Variants in EVC observed in about 807,000 individuals in gnomAD.
EVC encodes the protein evC complex member EVC.
In EVC, 116 loss-of-function variants were observed where a neutral mutation model predicts 118.9. The ratio of observed to expected loss-of-function variants is 0.98; its 90% CI spans 0.84 to 1.14. The LOEUF (loss-of-function observed/expected upper bound fraction) is 1.14. EVC is among the 50% of genes most tolerant of loss of function. EVC has a pLI of 0.00. For synonymous variants in EVC, 619 were observed against 534.7 expected (o/e 1.16, Z -2.18); for missense variants, 1,401 against 1,246.4 (o/e 1.12, Z -1.87).
At chr4:5,736,480 A>G (rs1001742574) in intron 5 of EVC, among the ~76,000 whole-genome samples, 1 of 147,700 alleles carries the variant, frequency 6.8e-6, no homozygotes, top group African/African-American at 2.5e-5. Context: ...ATTGCATTTC[A>G]CTTAATTGCG....
intron 11 of EVC, among the ~76,000 whole-genome samples, chr4:5,763,563 C>G (rs59572896): frequency 8.7e-6 from 1 of 114,686 alleles, no homozygotes; most frequent in African/African-American, 3.4e-5. Flanking sequence ...TGTTTGTATC[C>G]TCTTTTATTT....
rs1224488424 is a variant in EVC, at chr4:5,754,172, G to T, written c.1464+239G>T. The stretch of plus-strand genomic sequence containing the variant: ...ACTGGGCTGCTGAGAAGAGGAGGGG[G>T]TAGGATCCGTAGAGAGCTTGGCAGA... On this transcript the variant is annotated intron_variant, in intron 10 of 20. Coordinates refer to ENST00000264956, the MANE Select transcript of EVC (RefSeq NM_153717.3). This position sits in a 1 kb window ranked among gnomAD's most constrained non-coding sequence, Gnocchi z 5.8. Among the ~76,000 whole-genome samples, 3 of 152,200 alleles carry T rather than the reference G, an allele frequency of 2.0e-5. No homozygotes were observed. The highest frequency in any genetic ancestry group is 4.8e-5 in the African/African-American group (2 of 41,458).
At chr4:5,787,670 T>C (rs373217662) in intron 12 of EVC, among the ~76,000 whole-genome samples, 168 of 152,290 alleles carry the variant, frequency 1.1e-3, no homozygotes, top group African/African-American at 3.8e-3. Flanking sequence ...TAAAGTGTTA[T>C]AGCAGCCACA....
intron 11 of EVC, among the ~76,000 whole-genome samples, chr4:5,761,883 A>T (rs1178500682): frequency 6.6e-6 from 1 of 151,434 alleles, no homozygotes; most frequent in East Asian, 1.9e-4. Context: ...CCCAACTGTT[A>T]ATCAGTTGGC....
rs950289590 is a variant in EVC, at chr4:5,756,553, C to T, written c.1563+191C>T. On this transcript the variant is annotated intron_variant, in intron 11 of 20. Coordinates refer to ENST00000264956, the MANE Select transcript of EVC (RefSeq NM_153717.3). The surrounding 1 kb of genome is among the most constrained non-coding windows in gnomAD (Gnocchi z 4.2). ...CCACATCAGAAACCGAGGCAGTTGG[C>T]CTTGGTCCTCTCTGAGGCACCGTCC... Among the ~76,000 whole-genome samples the T allele has an allele frequency of 1.3e-5, 2 of 152,190 alleles. No individual in the cohort carries two copies. Among genetic ancestry groups the T allele is most frequent in the African/African-American group, 4.8e-5 (2 of 41,448 alleles).
chr4:5,752,755 GCTT>G (rs1730584505), intron 8 of EVC, 78 bp from the exon 9 acceptor site: 2 of 1,402,292 alleles, frequency 1.4e-6, no homozygotes, highest in South Asian at 1.2e-5. Flanking sequence ...GACCCTGGTG[GCTT>G]CTTCTCAGCT....
chr4:5,821,194 G>A, the EVC span: 1 of 152,692 alleles, frequency 6.5e-6, no homozygotes, highest in African/African-American at 2.4e-5. This position sits in a 1 kb window ranked among gnomAD's most constrained non-coding sequence, Gnocchi z 4.4. Context: ...AGAATTCACG[G>A]ATCTCACAGG....
At chr4:5,815,325 G>C (rs1245759006), downstream of EVC, among the ~76,000 whole-genome samples, 1 of 152,120 alleles carries the variant, frequency 6.6e-6, no homozygotes, top group Non-Finnish European at 1.5e-5. Flanking sequence ...GGCTCCTTGA[G>C]AAACAATTGA....
At chr4:5,824,767 G>A in the EVC span, 1 of 984,338 alleles carries the variant, frequency 1.0e-6, no homozygotes, top group Non-Finnish European at 1.2e-6. Flanking sequence ...ACCCAGCACG[G>A]TGTGCAACCC....
chr4:5,744,517 G>C (rs1213555717), intron 6 of EVC, among the ~76,000 whole-genome samples: 1 of 152,154 alleles, frequency 6.6e-6, no homozygotes, highest in Non-Finnish European at 1.5e-5. Context: ...AGAGAGTCAG[G>C]AGGACAGATA....
At position 5,749,859 on chromosome 4, in the gene EVC, G is replaced by T. The variant is rs1027810172; in HGVS notation, c.1098+1553G>T. ...CTTTGCCTCCCCTTGCACACCACAT[G>T]CCTCTCCCAATCCGCTCTGCTCCTC... is the stretch of plus-strand genomic sequence containing the variant. On this transcript the variant is annotated intron_variant, in intron 8 of 20. Transcript: ENST00000264956. The surrounding 1 kb of genome is among the most constrained non-coding windows in gnomAD (Gnocchi z 4.4). Among the ~76,000 whole-genome samples, 3 of 152,062 alleles carry T rather than the reference G, an allele frequency of 2.0e-5. No individual in the cohort carries two copies. The highest frequency in any genetic ancestry group is 1.9e-4 in the East Asian group (1 of 5,182).
intron 7 of EVC, among the ~76,000 whole-genome samples, chr4:5,747,572 T>C (rs555930555): frequency 6.6e-6 from 1 of 152,366 alleles, no homozygotes; most frequent in African/African-American, 2.4e-5. Flanking sequence ...GAGCTCTGAC[T>C]GGCTGTGATG....
At chr4:5,802,876 TGTGGCCCAGG>T (rs1301159311) in intron 16 of EVC, among the ~76,000 whole-genome samples, 1 of 152,152 alleles carries the variant, frequency 6.6e-6, no homozygotes, top group Non-Finnish European at 1.5e-5. Context: ...AGTACTAGTC[TGTGGCCCAGG>T]GGTTGGGGAT....
At position 5,737,442 on chromosome 4, in the gene EVC, G is replaced by T. The variant is rs1033949568; in HGVS notation, c.702+4007G>T. On this transcript the variant is annotated intron_variant, in intron 5 of 20. Coordinates refer to ENST00000264956, the MANE Select transcript of EVC (RefSeq NM_153717.3). The surrounding 1 kb of genome is among the most constrained non-coding windows in gnomAD (Gnocchi z 5.0). ...CAATGCAGATGAAATAGCACAATAT[G>T]GTCATGGAAGAAGATGCCATCTAAG... Among the ~76,000 whole-genome samples, 5 of 152,200 alleles carry T rather than the reference G, an allele frequency of 3.3e-5. No individual in the cohort carries two copies. The highest frequency in any genetic ancestry group is 4.8e-5 in the African/African-American group (2 of 41,450).
the EVC span, among the ~76,000 whole-genome samples, chr4:5,819,814 T>C: frequency 2.0e-5 from 3 of 151,918 alleles, no homozygotes; most frequent in African/African-American, 2.4e-5. Flanking sequence ...CATCCATTCT[T>C]GGTCTTTCTC....
intron 2 of EVC, among the ~76,000 whole-genome samples, chr4:5,721,240 A>G (rs1451308114): frequency 6.6e-6 from 1 of 152,352 alleles, no homozygotes; most frequent in East Asian, 1.9e-4. Flanking sequence ...CACTATTCAC[A>G]ATAGCCAAAA....
chr4:5,720,335 C>T (rs1724739150), intron 2 of EVC, among the ~76,000 whole-genome samples: 1 of 152,140 alleles, frequency 6.6e-6, no homozygotes, highest in South Asian at 2.1e-4. Context: ...GATTTATATT[C>T]CCATTTTCCA....
rs796770047 is a variant in EVC, at chr4:5,772,575, T to TAGCTTGGTCCACGAGGCCCATCC, written c.1564-10973_1564-10951dup. 2.8e-3 allele frequency among the ~76,000 whole-genome samples: 427 copies of TAGCTTGGTCCACGAGGCCCATCC among 152,170 alleles called. 2 individuals are homozygous for TAGCTTGGTCCACGAGGCCCATCC. Among genetic ancestry groups the TAGCTTGGTCCACGAGGCCCATCC allele is most frequent in the African/African-American group, 9.8e-3 (407 of 41,472 alleles). ...CTTAATCTGGCCCATCATGACCACT[T>TAGCTTGGTCCACGAGGCCCATCC]AGCTTGGTCCACGAGGCCCATCCAG... On this transcript the variant is annotated intron_variant, in intron 11 of 20. Coordinates refer to ENST00000264956, the MANE Select transcript of EVC (RefSeq NM_153717.3).
chr4:5,802,631 C>T lies in EVC; in HGVS notation c.2449+537C>T, dbSNP rs559820718. The stretch of plus-strand genomic sequence containing the variant: ...ATCACATCTGGGGGTTATGGGAGAG[C>T]GGCACATCATCAGGCATTAGATAAG... On this transcript the variant is annotated intron_variant, in intron 16 of 20. Transcript: ENST00000264956. Among the ~76,000 whole-genome samples, 24 of 152,238 alleles carry T rather than the reference C, an allele frequency of 1.6e-4. No homozygotes were observed. The East Asian group carries it at 1.7e-3, about 11-fold the overall frequency.
Sources: allele counts gnomAD v4.1 joint callset (sites outside exome capture counted in the v4.1 genomes callset), GRCh38; gene constraint gnomAD v4.1.1; non-coding constraint Gnocchi (gnomAD v3.1); transcripts MANE v1.5; gene names NCBI Gene and HGNC (gene_info 2026-07-23, HGNC 2026-07-21).